Variants in NRBP2 observed in about 807,000 individuals in gnomAD.
NRBP2 encodes the protein nuclear receptor-binding protein 2.
Under a neutral mutation model 74.4 loss-of-function variants are expected in NRBP2, and 47 were observed. That is an observed-to-expected ratio of 0.63 (90% CI 0.50 to 0.81). The LOEUF is 0.81. NRBP2 is among the 30% of genes least tolerant of loss of function. The pLI, the probability that NRBP2 is intolerant of heterozygous loss-of-function variation, is 0.00. For synonymous variants in NRBP2, 312 were observed against 273.8 expected (o/e 1.14, Z -1.38); for missense variants, 613 against 690.1 (o/e 0.89, Z 1.25).
chr8:143,840,414 G>A lies in NRBP2; in HGVS notation c.130-185C>T, dbSNP rs1308356868. The A allele has an allele frequency of 1.2e-6, 1 of 815,808 alleles. No homozygotes were observed. The highest frequency in any genetic ancestry group is 1.8e-5 in the South Asian group (1 of 54,482). 50.5% of individuals were successfully genotyped at this position (815,808 alleles called of 1,614,324 possible). The stretch of plus-strand genomic sequence containing the variant: ...GCCAAGGGCTCCTATCCAAGGGCTG[G>A]GCTAAGGGGATTTGGAGCAGGTTTC... On this transcript the variant is annotated intron_variant, in intron 1 of 17. Coordinates refer to ENST00000442628, the MANE Select transcript of NRBP2 (RefSeq NM_178564.4). The surrounding 1 kb of genome is among the most constrained non-coding windows in gnomAD (Gnocchi z 5.7).
In NRBP2 at chr8:143,839,441, G is replaced by A. The variant is rs782372781; in HGVS notation, c.486-33C>T. On this transcript the variant is annotated intron_variant, in intron 5 of 17. Transcript: ENST00000442628. The surrounding 1 kb of genome is among the most constrained non-coding windows in gnomAD (Gnocchi z 5.1). ...CGTTGGGGAGGGGAGAGTAGGAGGA[G>A]CCGGTCAGGAGGCTCTGGAGAGATG... 9.7e-6 allele frequency: 15 copies of A among 1,538,588 alleles called. No individual in the cohort carries two copies. The highest frequency in any genetic ancestry group is 5.5e-5 in the African/African-American group (4 of 73,018).
chr8:143,832,411 G>T (rs1818197128), downstream of NRBP2, among the ~76,000 whole-genome samples: 1 of 152,148 alleles, frequency 6.6e-6, no homozygotes, highest in South Asian at 2.1e-4. Flanking sequence ...CACCCGTAAA[G>T]GGTCTGTGCT....
rs782208745 is a variant in NRBP2 at position 143,835,661 on chromosome 8, G to A, written c.*1C>T. 4 of 1,581,782 alleles carry A rather than the reference G, an allele frequency of 2.5e-6. No homozygotes were observed. In the African/African-American group the frequency reaches 5.5e-5, roughly 22 times the overall value. On this transcript the variant is annotated 3_prime_UTR_variant, in exon 18 of 18. Coordinates refer to ENST00000442628, the MANE Select transcript of NRBP2 (RefSeq NM_178564.4). The surrounding 1 kb of genome is among the most constrained non-coding windows in gnomAD (Gnocchi z 4.9). ...TGGTCCCCTGGGGCTGGGGCTCCGG[G>A]TCAGGCCTGGGTCCCACGGTACTTG...
Position 143,838,985 on chromosome 8 carries a change from G to GGCAC in NRBP2, c.688+28_688+31dup, listed in dbSNP as rs782548740. On this transcript the variant is annotated intron_variant, in intron 8 of 17. Coordinates refer to ENST00000442628, the MANE Select transcript of NRBP2 (RefSeq NM_178564.4). Reference sequence around the variant, plus strand: ...ACACGTAGGAGAGAAGCGCAGGGTAGGCACGGGGCACCCGGACCCAGCACC... The same window carrying GGCAC: ...ACACGTAGGAGAGAAGCGCAGGGTAGGCACGCACGGGGCACCCGGACCCAGCACC... The GGCAC allele has an allele frequency of 9.6e-6, 15 of 1,560,910 alleles. No homozygotes were observed. The South Asian group carries it at 1.6e-4, about 17-fold the overall frequency.
Position 143,839,853 on chromosome 8 carries a change from C to G in NRBP2, c.355-28G>C. The G allele has an allele frequency of 6.5e-7, 1 of 1,535,824 alleles. No homozygotes were observed. The highest frequency in any genetic ancestry group is 8.7e-7 in the Non-Finnish European group (1 of 1,146,628). ...GCACGGTGCGAGCTCAGGATTTCCA[C>G]CAGCTGCGGGTTCGTCCCCATGCCC... On this transcript the variant is annotated intron_variant, in intron 3 of 17. Coordinates refer to ENST00000442628, the MANE Select transcript of NRBP2 (RefSeq NM_178564.4). This position sits in a 1 kb window ranked among gnomAD's most constrained non-coding sequence, Gnocchi z 5.1.
intron 15 of NRBP2, 26 bp downstream of exon 15, chr8:143,836,099 CAG>C (rs1818367028): frequency 6.3e-7 from 1 of 1,596,136 alleles, no homozygotes; most frequent in Non-Finnish European, 8.5e-7. Context: ...TTCCCCACGG[CAG>C]CGCCGCCCTC....
Position 143,837,307 on chromosome 8 carries a change from G to A in NRBP2, c.1077-8C>T, listed in dbSNP as rs973740296. 10 of 1,612,084 alleles carry A rather than the reference G, an allele frequency of 6.2e-6. No homozygotes were observed. Among genetic ancestry groups the A allele is most frequent in the Admixed American group, 1.7e-5 (1 of 59,886 alleles). On this transcript the variant is annotated splice_polypyrimidine_tract_variant and splice_region_variant and intron_variant, in intron 12 of 17. Coordinates refer to ENST00000442628, the MANE Select transcript of NRBP2 (RefSeq NM_178564.4). The surrounding 1 kb of genome is among the most constrained non-coding windows in gnomAD (Gnocchi z 4.3). ...AAGGAGACTTCCGAGTACCTGGCAT[G>A]GAAGTGGGAGGCACATGAGGGGCTG...
chr8:143,836,299 A>G, intron 14 of NRBP2, 119 bp from the exon 15 acceptor site: 1 of 1,352,946 alleles, frequency 7.4e-7, no homozygotes, highest in Non-Finnish European at 9.7e-7. Context: ...AGAGGAGCCC[A>G]TCTCACTGCT....
chr8:143,830,697 T>A (rs971197695), downstream of NRBP2, among the ~76,000 whole-genome samples: 2 of 152,034 alleles, frequency 1.3e-5, no homozygotes, highest in Non-Finnish European at 2.9e-5. Flanking sequence ...AGCATCTCAC[T>A]CTTCAATGCA....
downstream of NRBP2, among the ~76,000 whole-genome samples, chr8:143,830,643 C>T (rs1423057808): frequency 6.6e-6 from 1 of 152,244 alleles, no homozygotes; most frequent in Non-Finnish European, 1.5e-5. Context: ...CCAGCCAGAT[C>T]CCTGGCCTCG....
downstream of NRBP2, among the ~76,000 whole-genome samples, chr8:143,830,206 T>G (rs1021106708): frequency 1.8e-4 from 27 of 152,236 alleles, no homozygotes; most frequent in African/African-American, 6.5e-4. Flanking sequence ...AGGGGTTTTA[T>G]AAAGACAAAC....
intron 10 of NRBP2, 90 bp downstream of exon 10, chr8:143,838,590 G>A: frequency 2.2e-6 from 2 of 929,184 alleles, no homozygotes; most frequent in Non-Finnish European, 1.7e-6. Flanking sequence ...TGCACAAACT[G>A]TGATGTTCTC....
At position 143,840,169 on chromosome 8, in the gene NRBP2, C is replaced by A; in HGVS notation, c.190G>T (p.Gly64Trp). The change falls in exon 2 of 18, where the codon GGG becomes TGG. Residue 64 changes from glycine to tryptophan, a missense_variant. Around this residue, in one of 2 missense-constraint regions of NRBP2, gnomAD observed 332 missense variants for 429.2 expected, o/e 0.77. Transcript: ENST00000442628. This position sits in a 1 kb window ranked among gnomAD's most constrained non-coding sequence, Gnocchi z 5.7. ...AGCTCGTTCCACACCACCTCTACCC[C>A]CTCCTCCGTGTCCATGGCTAGGAAG... ...STFLAMDTEE[G>W]VEVVWNELHF... 1 of 1,536,164 alleles carries A rather than the reference C, an allele frequency of 6.5e-7. No individual in the cohort carries two copies. The highest frequency in any genetic ancestry group is 1.2e-5 in the South Asian group (1 of 84,058).
Position 143,839,926 on chromosome 8 carries a change from C to A in NRBP2, c.354+3G>T, listed in dbSNP as rs1554653264. 9 of 1,536,036 alleles carry A rather than the reference C, an allele frequency of 5.9e-6. No individual in the cohort carries two copies. The highest frequency in any genetic ancestry group is 7.8e-6 in the Non-Finnish European group (9 of 1,146,762). On this transcript the variant is annotated splice_donor_region_variant and intron_variant, in intron 3 of 17. Coordinates refer to ENST00000442628, the MANE Select transcript of NRBP2 (RefSeq NM_178564.4). The surrounding 1 kb of genome is among the most constrained non-coding windows in gnomAD (Gnocchi z 5.1). ...GCCTGCCCGGGGCCTTGCCCGTGCT[C>A]ACCCTCGCGCAGGCCTCAGAGGTAT...
In NRBP2 at chr8:143,835,626, C is replaced by G. The variant is rs1194296903; in HGVS notation, c.*36G>C. 26 of 1,518,292 alleles carry G rather than the reference C, an allele frequency of 1.7e-5. No individual in the cohort carries two copies. Among genetic ancestry groups the G allele is most frequent in the African/African-American group, 2.8e-5 (2 of 71,560 alleles). 94.1% of individuals were successfully genotyped at this position (1,518,292 alleles called of 1,614,324 possible). A position where few individuals can be genotyped will look rare whatever the true frequency, so the allele number is the denominator to read the frequency against. On this transcript the variant is annotated 3_prime_UTR_variant, in exon 18 of 18. Transcript: ENST00000442628. This position sits in a 1 kb window ranked among gnomAD's most constrained non-coding sequence, Gnocchi z 4.9. ...TCCCCAACATGGCCTGCCCAGGCAG[C>G]ACCCCGGCATGGTCCCCTGGGGCTG...
chr8:143,840,164 T>C lies in NRBP2; in HGVS notation c.195A>G (p.Val65=), dbSNP rs1235585361. ...AGTGGAGCTCGTTCCACACCACCTC[T>C]ACCCCCTCCTCCGTGTCCATGGCTA... ...TFLAMDTEEG[V]EVVWNELHFG... is the part of the protein sequence containing the mutation. The change falls in exon 2 of 18, where the codon GTA becomes GTG. Residue 65 remains valine, a synonymous_variant. Coordinates refer to ENST00000442628, the MANE Select transcript of NRBP2 (RefSeq NM_178564.4). The surrounding 1 kb of genome is among the most constrained non-coding windows in gnomAD (Gnocchi z 5.7). 3.3e-6 allele frequency: 5 copies of C among 1,536,024 alleles called. No individual in the cohort carries two copies. Among genetic ancestry groups the C allele is most frequent in the African/African-American group, 1.4e-5 (1 of 73,034 alleles).
At position 143,840,879 on chromosome 8, in the gene NRBP2, G is replaced by A; in HGVS notation, c.-45C>T. 1 of 1,278,944 alleles carries A rather than the reference G, an allele frequency of 7.8e-7. No homozygotes were observed. The allele number at this position is 1,278,944 out of a possible 1,614,324, so 79.2% of individuals were successfully genotyped here. On this transcript the variant is annotated 5_prime_UTR_variant, in exon 1 of 18. Transcript: ENST00000442628. This position sits in a 1 kb window ranked among gnomAD's most constrained non-coding sequence, Gnocchi z 5.7. ...ACCGCCCTCTGCGCGATCCGCCGCC[G>A]GCGCAGCCTCTCCCGGCCCGCCCTG...
In NRBP2 at chr8:143,837,088, T is replaced by C; in HGVS notation, c.1214A>G (p.Gln405Arg). The change falls in exon 14 of 18, where the codon CAA (glutamine) becomes CGA (arginine). Residue 405 changes from glutamine (Q) to arginine (R), a missense_variant. Gln to Arg is a conservative substitution (Grantham distance 43, BLOSUM62 1). Around this residue, in one of 2 missense-constraint regions of NRBP2, gnomAD observed 281 missense variants for 260.9 expected, o/e 1.08. Transcript: ENST00000442628. This position sits in a 1 kb window ranked among gnomAD's most constrained non-coding sequence, Gnocchi z 4.3. ...CTCTGGCGTCGGGGTCTTGGCCTTTTGGACCTCCTCCGGGGGTGGGGCCAG... is the reference window on the plus strand; with the variant it reads ...CTCTGGCGTCGGGGTCTTGGCCTTTCGGACCTCCTCCGGGGGTGGGGCCAG... ...RVLAPPPEEV[Q>R]KAKTPTPEPF... 1 of 1,611,708 alleles carries C rather than the reference T, an allele frequency of 6.2e-7. No individual in the cohort carries two copies.
downstream of NRBP2, among the ~76,000 whole-genome samples, chr8:143,831,625 AAAC>A (rs1292314997): frequency 6.6e-5 from 10 of 152,346 alleles, no homozygotes; most frequent in East Asian, 1.9e-4. Context: ...TGTCTCAAAA[AAAC>A]AACAAAAACT....
Sources: gnomAD v4.1 joint callset for allele counts (sites outside exome capture counted in the v4.1 genomes callset) on GRCh38, gnomAD v4.1.1 for gene constraint, gnomAD v4.1.1 regional missense constraint, Gnocchi (gnomAD v3.1) non-coding constraint, MANE v1.5 for transcripts, NCBI Gene and HGNC (gene_info 2026-07-23, HGNC 2026-07-21) for gene names.